Variants in GPHN observed in about 807,000 individuals in gnomAD.
GPHN encodes gephyrin.
GPHN carries 17 observed loss-of-function variants against 95.5 expected under a neutral mutation model. The observed-to-expected ratio is 0.18, with a 90% CI of 0.12 to 0.27. The LOEUF (loss-of-function observed/expected upper bound fraction) is 0.27, where lower values mean the gene tolerates loss of function less well. Ranked by LOEUF, GPHN falls within the 10% of genes least tolerant of loss-of-function variation. The probability of loss-of-function intolerance (pLI) is 1.00; values close to 1 mark genes in which losing one functional copy is unlikely to be tolerated. For synonymous variants in GPHN, 320 were observed against 322.5 expected (o/e 0.99, Z 0.08); for missense variants, 660 against 978.1 (o/e 0.67, Z 4.34).
chr14:66,682,319 C>G (rs2066986949), intron 2 of GPHN, among the ~76,000 whole-genome samples: 1 of 152,224 alleles, frequency 6.6e-6, no homozygotes, highest in East Asian at 1.9e-4. Context: ...GAAAATTTAA[C>G]CAACAATGTA....
intron 13 of GPHN, among the ~76,000 whole-genome samples, chr14:67,109,216 A>T (rs1468715611): frequency 6.6e-6 from 1 of 152,234 alleles, no homozygotes; most frequent in Non-Finnish European, 1.5e-5. Flanking sequence ...ATCCTTATGC[A>T]GCACGTGACT....
intron 4 of GPHN, among the ~76,000 whole-genome samples, chr14:66,863,161 G>GTAGCATTTCTATA (rs2063095698): frequency 6.7e-6 from 1 of 150,096 alleles, no homozygotes; most frequent in African/African-American, 2.5e-5. Flanking sequence ...ACAAAAATCA[G>GTAGCATTTCTATA]TAGCATTTCT....
chr14:66,996,031 GT>G, intron 9 of GPHN: 1 of 554,780 alleles, frequency 1.8e-6, no homozygotes, highest in East Asian at 3.0e-5. Flanking sequence ...GTCTTGACAT[GT>G]TTTCAAACTC....
At chr14:66,722,486 C>T (rs1415319740) in intron 2 of GPHN, among the ~76,000 whole-genome samples, 1 of 152,036 alleles carries the variant, frequency 6.6e-6, no homozygotes, top group African/African-American at 2.4e-5. Context: ...CTCTGTTGTC[C>T]AGGCTGGAGT....
At chr14:67,172,826 G>C (rs954825337) in intron 21 of GPHN, among the ~76,000 whole-genome samples, 17 of 152,140 alleles carry the variant, frequency 1.1e-4, no homozygotes, top group Non-Finnish European at 1.2e-4. Context: ...GCACCTGGCT[G>C]CACAAAGTCT....
the GPHN span, among the ~76,000 whole-genome samples, chr14:67,256,873 T>C: frequency 6.6e-6 from 1 of 151,782 alleles, no homozygotes; most frequent in Admixed American, 6.6e-5. Context: ...ATTAAAAAAA[T>C]ATTGATTCTT....
chr14:66,596,149 T>C (rs2061962996), intron 1 of GPHN, among the ~76,000 whole-genome samples: 1 of 152,030 alleles, frequency 6.6e-6, no homozygotes, highest in Non-Finnish European at 1.5e-5. Flanking sequence ...TCTTTTCTGC[T>C]GGCAGATTGT....
At chr14:67,532,073 C>T in the GPHN span, among the ~76,000 whole-genome samples, 1 of 152,164 alleles carries the variant, frequency 6.6e-6, no homozygotes, top group South Asian at 2.1e-4. Flanking sequence ...TCCCCACGAG[C>T]TATAAAGCTG....
chr14:66,583,329 G>A (rs572102453), intron 1 of GPHN, among the ~76,000 whole-genome samples: 1 of 152,122 alleles, frequency 6.6e-6, no homozygotes, highest in Non-Finnish European at 1.5e-5. Flanking sequence ...CTCCCAATCT[G>A]TAGGTTGCCT....
Position 67,169,015 on chromosome 14 carries a change from G to T in GPHN, c.2058G>T (p.Arg686=). ...LRKMQGILDP[R]PTIIKARLSC... is the part of the protein sequence containing the mutation. ...AAATGCAGGGCATCTTGGATCCTCG[G>T]CCAACCATCATCAAAGCAAGGGTAA... Residue 686 remains arginine (R), a synonymous_variant, in exon 21 of 23, where the codon CGG becomes CGT. Transcript: ENST00000478722. The T allele has an allele frequency of 1.9e-6, 3 of 1,612,112 alleles. No individual in the cohort carries two copies. Among genetic ancestry groups the T allele is most frequent in the Non-Finnish European group, 1.7e-6 (2 of 1,178,286 alleles).
chr14:66,580,234 T>C (rs2061099165), intron 1 of GPHN, among the ~76,000 whole-genome samples: 1 of 151,762 alleles, frequency 6.6e-6, no homozygotes, highest in African/African-American at 2.4e-5. Context: ...AGAGAGAAGT[T>C]TATAGCAACA....
chr14:66,961,927 T>C (rs1325460480), intron 8 of GPHN, among the ~76,000 whole-genome samples: 2 of 75,240 alleles, frequency 2.7e-5, no homozygotes, highest in South Asian at 5.1e-4. Flanking sequence ...TATATATATA[T>C]ATATATATAT....
chr14:67,232,245 G>A, the GPHN span, among the ~76,000 whole-genome samples: 6 of 152,158 alleles, frequency 3.9e-5, no homozygotes, highest in Non-Finnish European at 8.8e-5. Flanking sequence ...TGCCCTGGTG[G>A]AAGCCAGCTG....
chr14:67,531,910 CAAAAAAAAA>C, the GPHN span, among the ~76,000 whole-genome samples: 3 of 79,606 alleles, frequency 3.8e-5, no homozygotes, highest in Non-Finnish European at 7.4e-5. Context: ...AACCTATGTC[CAAAAAAAAA>C]AAAAAAAAAA....
chr14:67,462,058 A>G, the GPHN span, among the ~76,000 whole-genome samples: 1 of 152,222 alleles, frequency 6.6e-6, no homozygotes, highest in Non-Finnish European at 1.5e-5. Flanking sequence ...TGGGGACTCT[A>G]CTGCAGAAAA....
chr14:66,705,231 G>A (rs2068959054), intron 2 of GPHN, among the ~76,000 whole-genome samples: 1 of 152,236 alleles, frequency 6.6e-6, no homozygotes, highest in Non-Finnish European at 1.5e-5. Flanking sequence ...AATTCTACCA[G>A]AAGTACAAAG....
rs185462250 is a variant in GPHN at position 66,950,238 on chromosome 14, C to A, written c.829-14953C>A. 2.0e-4 allele frequency among the ~76,000 whole-genome samples: 31 copies of A among 152,204 alleles called. No individual in the cohort carries two copies. The East Asian group carries it at 4.2e-3, about 21-fold the overall frequency. ...TTCTCTAAAAGTAGGAATGTTATTT[C>A]TTTTGTGATTTGGCATTTTTCCTTC... On this transcript the variant is annotated intron_variant, in intron 8 of 22. Coordinates refer to ENST00000478722, the MANE Select transcript of GPHN (RefSeq NM_020806.5).
chr14:67,329,113 T>C, the GPHN span, among the ~76,000 whole-genome samples: 1 of 152,246 alleles, frequency 6.6e-6, no homozygotes, highest in South Asian at 2.1e-4. Flanking sequence ...TCCATGAGCA[T>C]GGAATGTTCT....
the GPHN span, among the ~76,000 whole-genome samples, chr14:67,701,024 C>CAAAAAAAAAAAAAAAAAAA: frequency 1.5e-5 from 1 of 67,422 alleles, no homozygotes; most frequent in Admixed American, 1.8e-4. Context: ...AATTTCATCT[C>CAAAAAAAAAAAAAAAAAAA]AAAAAAAAAA....
Sources: allele counts gnomAD v4.1 joint callset (sites outside exome capture counted in the v4.1 genomes callset), GRCh38; gene constraint gnomAD v4.1.1; transcripts MANE v1.5; gene names NCBI Gene and HGNC (gene_info 2026-07-23, HGNC 2026-07-21).